Variants in TRPC7 observed in about 807,000 individuals in gnomAD.
TRPC7 encodes short transient receptor potential channel 7.
Under a neutral mutation model 90.1 loss-of-function variants are expected in TRPC7, and 42 were observed. The observed-to-expected ratio is 0.47, with a 90% CI of 0.36 to 0.60. TRPC7 has a LOEUF of 0.60. Ranked by LOEUF, TRPC7 falls within the 20% of genes least tolerant of loss-of-function variation. TRPC7 has a pLI of 0.00. For synonymous variants in TRPC7, 451 were observed against 436.3 expected (o/e 1.03, Z -0.42); for missense variants, 955 against 1,112.3 (o/e 0.86, Z 2.01).
At chr5:136,320,118 T>C (rs771031080) in intron 2 of TRPC7, among the ~76,000 whole-genome samples, 1 of 151,974 alleles carries the variant, frequency 6.6e-6, no homozygotes, top group South Asian at 2.1e-4. Context: ...TCTAGTCTCC[T>C]ACCTTATTTA....
intron 7 of TRPC7, among the ~76,000 whole-genome samples, chr5:136,246,104 G>A (rs886667068): frequency 2.6e-5 from 4 of 152,148 alleles, no homozygotes; most frequent in Admixed American, 2.6e-4. Context: ...TGGGGGATGT[G>A]CATGCCATTG....
At chr5:136,214,742 T>G (rs1476819224) in intron 11 of TRPC7, among the ~76,000 whole-genome samples, 1 of 152,186 alleles carries the variant, frequency 6.6e-6, no homozygotes, top group Non-Finnish European at 1.5e-5. Flanking sequence ...TCGAGCTGCA[T>G]GCTGGGTGCC....
intron 2 of TRPC7, among the ~76,000 whole-genome samples, chr5:136,348,407 T>A (rs1760078318): frequency 6.6e-6 from 1 of 152,258 alleles, no homozygotes; most frequent in Non-Finnish European, 1.5e-5. Context: ...TATTCTCTGT[T>A]GTCCATTTAT....
intron 10 of TRPC7, among the ~76,000 whole-genome samples, chr5:136,223,919 C>T (rs958998912): frequency 4.6e-5 from 7 of 152,118 alleles, no homozygotes; most frequent in African/African-American, 1.4e-4. Flanking sequence ...CAATTTTGTG[C>T]GCGATTAAAC....
chr5:136,296,155 G>T (rs36000622), intron 3 of TRPC7, among the ~76,000 whole-genome samples: 49,601 of 151,874 alleles, frequency 0.33, 8,497 homozygotes, highest in South Asian at 0.5. Flanking sequence ...TGGGGGTGGG[G>T]CAGGATTCAC....
chr5:136,283,646 G>C (rs1178660382), intron 3 of TRPC7, among the ~76,000 whole-genome samples: 1 of 152,206 alleles, frequency 6.6e-6, no homozygotes, highest in Non-Finnish European at 1.5e-5. Flanking sequence ...ATCTTGGTTT[G>C]TGAGAAAGGA....
intron 3 of TRPC7, among the ~76,000 whole-genome samples, chr5:136,297,824 G>T (rs1299529838): frequency 1.3e-5 from 2 of 152,174 alleles, no homozygotes; most frequent in Non-Finnish European, 2.9e-5. Flanking sequence ...ATCATGGACT[G>T]CTTTCCTATT....
chr5:136,300,374 T>C (rs552078775), intron 3 of TRPC7, among the ~76,000 whole-genome samples: 15 of 152,312 alleles, frequency 9.8e-5, no homozygotes, highest in East Asian at 7.7e-4. Flanking sequence ...CCGAGACCCA[T>C]TGTGGAGCCC....
rs368799815 is a variant in TRPC7 at position 136,301,332 on chromosome 5, ATTTTTTTTTTTT to A, written c.963+14253_963+14264del. ...TTGAGCCACTGCACCCAGCCCAGGC[ATTTTTTTTTTTT>A]TTTTTTTTTTTTTTTTAACAAATCA... On this transcript the variant is annotated intron_variant, in intron 3 of 11. Transcript: ENST00000513104. Among the ~76,000 whole-genome samples the A allele has an allele frequency of 9.5e-4, 81 of 85,710 alleles. 1 individual carries two copies. The highest frequency in any genetic ancestry group is 7.8e-3 in the Middle Eastern group (1 of 128). The allele number at this position is 85,710 out of a possible 152,430, so 56.2% of individuals were successfully genotyped here.
intron 3 of TRPC7, 22 bp downstream of exon 3, chr5:136,315,575 C>T (rs1037727088): frequency 6.2e-7 from 1 of 1,611,890 alleles, no homozygotes; most frequent in Non-Finnish European, 8.5e-7. Context: ...ATGGGAAGAC[C>T]AGGAGAGATG....
intron 2 of TRPC7, among the ~76,000 whole-genome samples, chr5:136,355,484 C>T (rs1760335794): frequency 6.6e-6 from 1 of 152,204 alleles, no homozygotes; most frequent in South Asian, 2.1e-4. Context: ...TAGTGCTAGG[C>T]ACACAATAAG....
rs117775516 is a variant in TRPC7 at position 136,250,488 on chromosome 5, T to C, written c.1579+1161A>G. ...TACTAAGTGTCCAGCTGCTTTTTAC[T>C]GTTAACAAGTATCTACTGTTCCTTC... On this transcript the variant is annotated intron_variant, in intron 6 of 11. Coordinates refer to ENST00000513104, the MANE Select transcript of TRPC7 (RefSeq NM_020389.3). 1.5e-3 allele frequency among the ~76,000 whole-genome samples: 222 copies of C among 152,362 alleles called. 4 individuals carry two copies. In the East Asian group the frequency reaches 0.035, roughly 24 times the overall value.
At chr5:136,253,508 A>G (rs1205341680) in intron 5 of TRPC7, among the ~76,000 whole-genome samples, 1 of 151,788 alleles carries the variant, frequency 6.6e-6, no homozygotes, top group African/African-American at 2.4e-5. Context: ...AATATTTCAA[A>G]CCTTTTCATT....
chr5:136,264,765 G>T (rs949013713), intron 5 of TRPC7, among the ~76,000 whole-genome samples: 1 of 152,014 alleles, frequency 6.6e-6, no homozygotes, highest in South Asian at 2.1e-4. Context: ...GCTAAATTTT[G>T]TATTTTTAGT....
intron 5 of TRPC7, among the ~76,000 whole-genome samples, chr5:136,264,727 G>A (rs1756968016): frequency 6.6e-6 from 1 of 152,050 alleles, no homozygotes; most frequent in Non-Finnish European, 1.5e-5. Flanking sequence ...TGAGTAGCTG[G>A]GATTACAGGC....
At chr5:136,294,262 C>T (rs149658926) in intron 3 of TRPC7, among the ~76,000 whole-genome samples, 151,216 of 152,328 alleles carry the variant, frequency 0.99, 75,058 homozygotes, top group East Asian at 1. Flanking sequence ...CAAAAAGCAA[C>T]GGCAACAAAA....
chr5:136,226,470 G>A (rs1755635573), intron 8 of TRPC7: 2 of 565,968 alleles, frequency 3.5e-6, no homozygotes, highest in Non-Finnish European at 6.2e-6. Context: ...TTGGACTCAT[G>A]GCTGAAAAGC....
intron 2 of TRPC7, among the ~76,000 whole-genome samples, chr5:136,353,898 G>A (rs996054720): frequency 7.2e-5 from 11 of 152,012 alleles, no homozygotes; most frequent in African/African-American, 2.2e-4. Flanking sequence ...GCTTTCAAAC[G>A]AACTTCCAGT....
chr5:136,296,363 T>C (rs918288110), intron 3 of TRPC7, among the ~76,000 whole-genome samples: 2 of 152,144 alleles, frequency 1.3e-5, no homozygotes, highest in South Asian at 4.1e-4. Flanking sequence ...TTTGGGAAAA[T>C]AATTTTGCAA....
Sources: gnomAD v4.1 joint callset for allele counts (sites outside exome capture counted in the v4.1 genomes callset) on GRCh38, gnomAD v4.1.1 for gene constraint, MANE v1.5 for transcripts, NCBI Gene and HGNC (gene_info 2026-07-23, HGNC 2026-07-21) for gene names.